FSCN1: variants seen among roughly 807,000 people sequenced by gnomAD.
FSCN1 encodes the protein fascin.
FSCN1 carries 10 observed loss-of-function variants against 39.7 expected under a neutral mutation model. That is an observed-to-expected ratio of 0.25 (90% confidence interval 0.16 to 0.43). The LOEUF (loss-of-function observed/expected upper bound fraction) is 0.43. FSCN1 is among the 20% of genes least tolerant of loss of function. The pLI is 1.00. For synonymous variants in FSCN1, 322 were observed against 320.0 expected (o/e 1.01, Z -0.07); for missense variants, 525 against 723.8 (o/e 0.73, Z 3.15).
Position 5,592,994 on chromosome 7 carries a change from G to A in FSCN1, c.58G>A (p.Gly20Ser), listed in dbSNP as rs1378337892. The part of the protein sequence containing the change: ...VQIQFGLINC[G>S]NKYLTAEAFG... ...GATCCAGTTCGGCCTCATCAACTGC[G>A]GCAACAAGTACCTGACGGCCGAGGC... Residue 20 changes from glycine to serine, a missense_variant, in exon 1 of 5, where the codon GGC becomes AGC. Gly to Ser is a moderately conservative substitution (Grantham distance 56). This residue lies in a region of FSCN1 where 246 missense variants were observed against 350.6 expected (regional missense o/e 0.70). Coordinates refer to ENST00000382361, the MANE Select transcript of FSCN1 (RefSeq NM_003088.4). The surrounding 1 kb of genome is among the most constrained non-coding windows in gnomAD (Gnocchi z 5.3). 2.5e-6 allele frequency: 4 copies of A among 1,594,942 alleles called. No homozygotes were observed. In the East Asian group the frequency reaches 6.8e-5, roughly 27 times the overall value.
chr7:5,603,726 C>A lies in FSCN1; in HGVS notation c.1111+109C>A. On this transcript the variant is annotated intron_variant, in intron 3 of 4. Transcript: ENST00000382361. The surrounding 1 kb of genome is among the most constrained non-coding windows in gnomAD (Gnocchi z 8.5). Reference sequence around the variant, plus strand: ...CAAGGCCTGCTCTGTGCTGGGCATCCCCCCGGACTGGCCCCGCACTGTCCT... The same window carrying A: ...CAAGGCCTGCTCTGTGCTGGGCATCACCCCGGACTGGCCCCGCACTGTCCT... The A allele has an allele frequency of 6.5e-7, 1 of 1,535,116 alleles. No homozygotes were observed. The highest frequency in any genetic ancestry group is 8.9e-7 in the Non-Finnish European group (1 of 1,120,362).
At chr7:5,596,061 G>A (rs1418330068) in intron 1 of FSCN1, among the ~76,000 whole-genome samples, 1 of 151,844 alleles carries the variant, frequency 6.6e-6, no homozygotes, top group Admixed American at 6.6e-5. Context: ...GCCGAGGTTG[G>A]GGCTCCTCTG....
At chr7:5,594,045 A>ACCCCCCCCCCCCCCCCCCCCCCCCCC (rs758470979) in intron 1 of FSCN1, 1 of 262,496 alleles carries the variant, frequency 3.8e-6, no homozygotes, top group Non-Finnish European at 6.6e-6. Flanking sequence ...CACCCTCCTA[A>ACCCCCCCCCCCCCCCCCCCCCCCCCC]CCCCCCCCCC....
At chr7:5,604,615 T>C (rs1237343306) in intron 4 of FSCN1, among the ~76,000 whole-genome samples, 19 of 147,148 alleles carry the variant, frequency 1.3e-4, no homozygotes, top group African/African-American at 4.8e-4. Flanking sequence ...ATTACAGGTG[T>C]GCACCACCAC....
chr7:5,596,178 G>T (rs1184283864), intron 1 of FSCN1, among the ~76,000 whole-genome samples: 1 of 151,950 alleles, frequency 6.6e-6, no homozygotes, highest in Non-Finnish European at 1.5e-5. Context: ...GTCTGCAGAG[G>T]CCATTTTGGA....
At chr7:5,594,072 T>G in intron 1 of FSCN1, 1 of 288,916 alleles carries the variant, frequency 3.5e-6, no homozygotes, top group African/African-American at 4.0e-5. Flanking sequence ...ATCTTGGCTC[T>G]CCCCACGCGC....
rs1228866091 is a variant in FSCN1, at chr7:5,605,434, C to T, written c.1442C>T (p.Ser481Leu). ...GACCACGCAGGCGTCCTGAAGGCCT[C>T]GGCGGAAACCGTGGACCCCGCCTCG... ...KGDHAGVLKA[S>L]AETVDPASLW... The change falls in exon 5 of 5, where the codon TCG (serine) becomes TTG (leucine). Residue 481 changes from serine to leucine, a missense_variant. Ser to Leu is a moderately radical substitution (Grantham distance 145, BLOSUM62 -2). Coordinates refer to ENST00000382361, the MANE Select transcript of FSCN1 (RefSeq NM_003088.4). The surrounding 1 kb of genome is among the most constrained non-coding windows in gnomAD (Gnocchi z 6.9). 5 of 1,605,612 alleles carry T rather than the reference C, an allele frequency of 3.1e-6. No individual in the cohort carries two copies. The highest frequency in any genetic ancestry group is 2.3e-5 in the East Asian group (1 of 44,344).
chr7:5,594,365 G>T (rs1172723872), intron 1 of FSCN1, among the ~76,000 whole-genome samples: 4 of 152,016 alleles, frequency 2.6e-5, no homozygotes, highest in Admixed American at 6.5e-5. Flanking sequence ...CGCTGGTGGG[G>T]GGGGGCGCGG....
chr7:5,592,878 C>T lies in FSCN1; in HGVS notation c.-59C>T. ...CCGAACAAAGGAGCAGGGGCGCCGC[C>T]GCAGGGACCCGCCACCCACCTCCCG... On this transcript the variant is annotated 5_prime_UTR_variant, in exon 1 of 5. Coordinates refer to ENST00000382361, the MANE Select transcript of FSCN1 (RefSeq NM_003088.4). The surrounding 1 kb of genome is among the most constrained non-coding windows in gnomAD (Gnocchi z 5.3). 1 of 1,087,020 alleles carries T rather than the reference C, an allele frequency of 9.2e-7. No individual in the cohort carries two copies. The highest frequency in any genetic ancestry group is 1.3e-6 in the Non-Finnish European group (1 of 773,030). The allele number at this position is 1,087,020 out of a possible 1,614,324, so 67.3% of individuals were successfully genotyped here. A position where few individuals can be genotyped will look rare whatever the true frequency, so the allele number is the denominator to read the frequency against.
chr7:5,603,505 C>G lies in FSCN1; in HGVS notation c.999C>G (p.Ser333Arg). 1.2e-6 allele frequency: 2 copies of G among 1,614,178 alleles called. No homozygotes were observed. The highest frequency in any genetic ancestry group is 1.7e-6 in the Non-Finnish European group (2 of 1,180,022). Residue 333 changes from serine (S) to arginine (R), a missense_variant, in exon 3 of 5, where the codon AGC becomes AGG. This residue lies in a region of FSCN1 where 275 missense variants were observed against 351.9 expected (regional missense o/e 0.78). Coordinates refer to ENST00000382361, the MANE Select transcript of FSCN1 (RefSeq NM_003088.4). This position sits in a 1 kb window ranked among gnomAD's most constrained non-coding sequence, Gnocchi z 8.5. ...TCCCGCCATCCCCCAGGAATGCCAG[C>G]TGCTACTTTGACATCGAGTGGCGTG... ...VQSTASSKNA[S>R]CYFDIEWRDR...
chr7:5,593,156 A>G lies in FSCN1; in HGVS notation c.220A>G (p.Lys74Glu). 1 of 1,603,244 alleles carries G rather than the reference A, an allele frequency of 6.2e-7. No homozygotes were observed. Among genetic ancestry groups the G allele is most frequent in the Non-Finnish European group, 8.5e-7 (1 of 1,176,118 alleles). ...CCTGGGCCGCTACCTGGCGGCGGAC[A>G]AGGACGGCAACGTGACCTGCGAGCG... ...SHLGRYLAAD[K>E]DGNVTCEREV... The change falls in exon 1 of 5, where the codon AAG (lysine) becomes GAG (glutamate). Residue 74 changes from lysine to glutamate, a missense_variant. By Grantham distance (56) the Lys-to-Glu change is moderately conservative. Coordinates refer to ENST00000382361, the MANE Select transcript of FSCN1 (RefSeq NM_003088.4).
In FSCN1 at chr7:5,592,875, C is replaced by T. The variant is rs1027656548; in HGVS notation, c.-62C>T. 3.0e-5 allele frequency: 32 copies of T among 1,050,420 alleles called. No individual in the cohort carries two copies. The highest frequency in any genetic ancestry group is 1.1e-4 in the African/African-American group (7 of 61,148). 65.1% of individuals were successfully genotyped at this position (1,050,420 alleles called of 1,614,324 possible). On this transcript the variant is annotated 5_prime_UTR_variant, in exon 1 of 5. Transcript: ENST00000382361. The surrounding 1 kb of genome is among the most constrained non-coding windows in gnomAD (Gnocchi z 5.3). ...CAGCCGAACAAAGGAGCAGGGGCGC[C>T]GCCGCAGGGACCCGCCACCCACCTC...
At position 5,593,689 on chromosome 7, in the gene FSCN1, C is replaced by T; in HGVS notation, c.753C>T (p.Asp251=). The change falls in exon 1 of 5, where the codon GAC becomes GAT. Residue 251 remains aspartate (D), a synonymous_variant. Coordinates refer to ENST00000382361, the MANE Select transcript of FSCN1 (RefSeq NM_003088.4). Reference sequence around the variant, plus strand: ...GCAAGGCCACCAAGGTGGGCAAGGACGAGCTCTTTGCTCTGGAGCAGAGCT... The same window carrying T: ...GCAAGGCCACCAAGGTGGGCAAGGATGAGCTCTTTGCTCTGGAGCAGAGCT... The part of the protein sequence containing the change: ...KAGKATKVGK[D]ELFALEQSCA... 1 of 1,591,694 alleles carries T rather than the reference C, an allele frequency of 6.3e-7. No homozygotes were observed. The highest frequency in any genetic ancestry group is 1.1e-5 in the South Asian group (1 of 89,274).
chr7:5,602,220 T>TAA (rs1410059791), intron 1 of FSCN1, among the ~76,000 whole-genome samples: 12 of 139,624 alleles, frequency 8.6e-5, no homozygotes, highest in Middle Eastern at 3.6e-3. Flanking sequence ...TTTTTTTTTT[T>TAA]TAAGTAGGGT....
chr7:5,597,674 C>G (rs1380133481), intron 1 of FSCN1, among the ~76,000 whole-genome samples: 1 of 133,942 alleles, frequency 7.5e-6, no homozygotes, highest in African/African-American at 3.0e-5. Context: ...TCTCAAAAAA[C>G]AAAACAAAAC....
In FSCN1 at chr7:5,599,910, C is replaced by T. The variant is rs554558948; in HGVS notation, c.833-3347C>T. On this transcript the variant is annotated intron_variant, in intron 1 of 4. Coordinates refer to ENST00000382361, the MANE Select transcript of FSCN1 (RefSeq NM_003088.4). The surrounding 1 kb of genome is among the most constrained non-coding windows in gnomAD (Gnocchi z 5.6). Reference sequence around the variant, plus strand: ...TGCCTGCCACCCACCGCTGAGGTCCCTGCAGCATCAAGGTGCCCAAACGAA... The same window carrying T: ...TGCCTGCCACCCACCGCTGAGGTCCTTGCAGCATCAAGGTGCCCAAACGAA... Among the ~76,000 whole-genome samples, 11 of 152,304 alleles carry T rather than the reference C, an allele frequency of 7.2e-5. No homozygotes were observed. The East Asian group carries it at 2.1e-3, about 29-fold the overall frequency.
intron 1 of FSCN1, among the ~76,000 whole-genome samples, chr7:5,595,092 C>T (rs571761704): frequency 9.0e-4 from 137 of 152,298 alleles, no homozygotes; most frequent in Non-Finnish European, 1.6e-3. Context: ...GGACCCCAGG[C>T]CTTGGAGATG....
In FSCN1 at chr7:5,605,540, T is replaced by C. The variant is rs1785918733; in HGVS notation, c.*66T>C. On this transcript the variant is annotated 3_prime_UTR_variant, in exon 5 of 5. Transcript: ENST00000382361. This position sits in a 1 kb window ranked among gnomAD's most constrained non-coding sequence, Gnocchi z 6.9. ...CCTGCCAACCCTCCCTGCTAACCCC[T>C]TCTCCGCCAGGTGGGCTCCAGGGCG... is the stretch of plus-strand genomic sequence containing the variant. The C allele has an allele frequency of 3.3e-6, 4 of 1,221,918 alleles. No individual in the cohort carries two copies. The highest frequency in any genetic ancestry group is 3.4e-6 in the Non-Finnish European group (3 of 881,276). 75.7% of individuals were successfully genotyped at this position (1,221,918 alleles called of 1,614,324 possible).
intron 1 of FSCN1, among the ~76,000 whole-genome samples, chr7:5,597,007 GGT>G (rs2128549006): frequency 6.6e-6 from 1 of 152,288 alleles, no homozygotes; most frequent in South Asian, 2.1e-4. Context: ...GGGACTGGAG[GGT>G]GTGAGGCAAC....
Sources: allele counts gnomAD v4.1 joint callset (sites outside exome capture counted in the v4.1 genomes callset), GRCh38; gene constraint gnomAD v4.1.1; regional missense constraint gnomAD v4.1.1; non-coding constraint Gnocchi (gnomAD v3.1); transcripts MANE v1.5; gene names NCBI Gene and HGNC (gene_info 2026-07-23, HGNC 2026-07-21).